Variants in ZNF117 observed in about 807,000 individuals in gnomAD.
ZNF117 encodes Krueppel-related zinc finger protein.
A neutral mutation model predicts 41.2 loss-of-function variants in ZNF117; 37 were observed. The observed-to-expected ratio is 0.90, with a 90% confidence interval of 0.69 to 1.18. The LOEUF is 1.18. ZNF117 is among the 50% of genes most tolerant of loss of function. The pLI is 0.00. For missense variants in ZNF117, 546 were observed against 557.5 expected, an observed-to-expected ratio of 0.98 and a Z score of 0.21; for synonymous variants, 186 against 186.6, an observed-to-expected ratio of 1.00 and a Z score of 0.02.
chr7:64,976,825 C>A, exon 3 of ZNF117: 1 of 399,762 alleles, frequency 2.5e-6, no homozygotes, highest in Non-Finnish European at 5.0e-6. Context: ...GTAAAGTTTC[C>A]AGTATTAATT....
rs981257486 is a variant in ZNF117 at position 64,981,242 on chromosome 7, T to A, written c.34+145A>T. On this transcript the variant is annotated intron_variant, in intron 2 of 2. Transcript: ENST00000620222. ...GAAAAACAATACAAAATATGTTCTA[T>A]GTGAGAGAAAAATAAAAAAAAACTC... is the stretch of plus-strand genomic sequence containing the variant. 12 of 968,698 alleles carry A rather than the reference T, an allele frequency of 1.2e-5. No individual in the cohort carries two copies. The African/African-American group carries it at 2.0e-4, about 16-fold the overall frequency. 60.0% of individuals were successfully genotyped at this position (968,698 alleles called of 1,614,324 possible).
At chr7:64,987,810 C>A (rs1351435706) in intron 1 of ZNF117, among the ~76,000 whole-genome samples, 2 of 141,184 alleles carry the variant, frequency 1.4e-5, no homozygotes, top group East Asian at 2.1e-4. Context: ...ATAGTGAGAC[C>A]CCGTTCTCCA....
chr7:64,982,159 T>C (rs1786046843), upstream of ZNF117: 3 of 684,266 alleles, frequency 4.4e-6, no homozygotes, highest in Admixed American at 2.5e-5. Context: ...ATCACATACA[T>C]TTACCAAGTG....
At chr7:64,981,246 A>C in intron 2 of ZNF117, 141 bp downstream of exon 3, 1 of 1,007,556 alleles carries the variant, frequency 9.9e-7, no homozygotes, top group African/African-American at 1.6e-5. Flanking sequence ...GTTCTATGTG[A>C]GAGAAAAATA....
At chr7:64,979,860 A>C (rs1785989308) in intron 2 of ZNF117, 1 of 177,822 alleles carries the variant, frequency 5.6e-6, no homozygotes, top group African/African-American at 2.3e-5. Context: ...TGTCTTTAGA[A>C]GTACATTACC....
At chr7:64,989,499 A>ATATATATATATAT (rs1786216086) in intron 1 of ZNF117, among the ~76,000 whole-genome samples, 2 of 125,252 alleles carry the variant, frequency 1.6e-5, no homozygotes, top group Non-Finnish European at 3.3e-5. Flanking sequence ...ATATATATAT[A>ATATATATATATAT]AAACCTGAAA....
chr7:64,981,726 C>T (rs750093513), intron 1 of ZNF117, among the ~76,000 whole-genome samples: 2 of 151,916 alleles, frequency 1.3e-5, no homozygotes, highest in South Asian at 2.1e-4. Flanking sequence ...GTGTGGGCAA[C>T]AATATTTTAT....
upstream of ZNF117, among the ~76,000 whole-genome samples, chr7:64,983,177 T>C (rs985545636): frequency 1.3e-5 from 2 of 152,234 alleles, no homozygotes; most frequent in Non-Finnish European, 2.9e-5. Flanking sequence ...AATCGTGTTC[T>C]GCATAGAGCT....
exon 3 of ZNF117, chr7:64,978,903 C>A: frequency 6.2e-7 from 1 of 1,613,526 alleles, no homozygotes; most frequent in Non-Finnish European, 8.5e-7. Flanking sequence ...ACATTTCTCA[C>A]ATTTGTAGGG....
At chr7:64,980,800 A>T (rs1187709461) in intron 2 of ZNF117, 1 of 152,556 alleles carries the variant, frequency 6.6e-6, no homozygotes, top group Non-Finnish European at 1.5e-5. Flanking sequence ...ATAGCTGTCA[A>T]GTGAGAATAA....
exon 3 of ZNF117, chr7:64,979,139 T>C (rs773131414): frequency 5.6e-6 from 9 of 1,609,336 alleles, no homozygotes; most frequent in Non-Finnish European, 7.6e-6. Flanking sequence ...AGTTAAAGGC[T>C]CTTCCATATG....
intron 1 of ZNF117, among the ~76,000 whole-genome samples, chr7:64,987,313 T>C (rs1562648229): frequency 6.6e-6 from 1 of 152,190 alleles, no homozygotes; most frequent in Non-Finnish European, 1.5e-5. Context: ...AAAAGAAGAA[T>C]TTATAGCACT....
intron 1 of ZNF117, among the ~76,000 whole-genome samples, chr7:64,988,918 C>T (rs1444048392): frequency 6.6e-6 from 1 of 152,002 alleles, no homozygotes; most frequent in African/African-American, 2.4e-5. Context: ...ACAAGAATTA[C>T]AAAACACTGC....
downstream of ZNF117, chr7:64,972,363 A>G (rs1288843863): frequency 6.6e-6 from 1 of 152,148 alleles, no homozygotes; most frequent in Non-Finnish European, 1.5e-5. Context: ...GTTGTTTGCA[A>G]CACTCTTCAC....
chr7:64,986,474 A>G (rs893787616), upstream of ZNF117, among the ~76,000 whole-genome samples: 3 of 152,206 alleles, frequency 2.0e-5, no homozygotes, highest in Admixed American at 6.5e-5. Context: ...GCATTTTTAC[A>G]TAAGATAACA....
upstream of ZNF117, among the ~76,000 whole-genome samples, chr7:64,985,852 C>T (rs188228175): frequency 2.5e-3 from 351 of 140,518 alleles, no homozygotes; most frequent in African/African-American, 8.8e-3. Flanking sequence ...CCCAGCTACT[C>T]GGGAGGCTGA....
rs371252487 is a variant in ZNF117, at chr7:64,979,172, T to C, written c.399A>G (p.Arg133=). The change falls in exon 3 of 3, where the codon AGA becomes AGG. Residue 133 remains arginine (R), a synonymous_variant. Transcript: ENST00000620222. The stretch of plus-strand genomic sequence containing the variant: ...ATGCTTCACATTTGTAGAAATTCAC[T>C]CTAGTTTGGATTCTTTTATGTTGAG... The C allele has an allele frequency of 1.8e-5, 29 of 1,606,014 alleles. No individual in the cohort carries two copies. In the African/African-American group the frequency reaches 3.6e-4, roughly 20 times the overall value.
At chr7:64,982,183 T>C, upstream of ZNF117, 1 of 562,490 alleles carries the variant, frequency 1.8e-6, no homozygotes, top group Non-Finnish European at 3.1e-6. Context: ...ATGGGCATAA[T>C]TTTAAATTTC....
upstream of ZNF117, among the ~76,000 whole-genome samples, chr7:64,983,152 A>G (rs1250676323): frequency 6.6e-6 from 1 of 152,194 alleles, no homozygotes; most frequent in African/African-American, 2.4e-5. Flanking sequence ...ATTCTGTTTG[A>G]AAAAGCATTT....
Sources: allele counts gnomAD v4.1 joint callset (sites outside exome capture counted in the v4.1 genomes callset), GRCh38; gene constraint gnomAD v4.1.1; transcripts MANE v1.5; gene names NCBI Gene and HGNC (gene_info 2026-07-23, HGNC 2026-07-21).